The following PRDM16 variants were observed in gnomAD, a reference collection of about 807,000 sequenced individuals.
PRDM16 encodes the protein histone-lysine N-methyltransferase PRDM16.
Under a neutral mutation model 110.6 loss-of-function variants are expected in PRDM16, and 23 were observed. That is an observed-to-expected ratio of 0.21 (90% CI 0.15 to 0.29). The LOEUF (loss-of-function observed/expected upper bound fraction) is 0.29, where lower values mean the gene tolerates loss of function less well. PRDM16 is among the 10% of genes least tolerant of loss of function. The pLI, the probability that PRDM16 is intolerant of heterozygous loss-of-function variation, is 1.00. For missense variants in PRDM16, 1,615 were observed against 1,794.3 expected (o/e 0.90, Z 1.81); for synonymous variants, 799 against 781.8 (o/e 1.02, Z -0.37).
At chr1:3,118,449 CAAGGGGGCAGCTTTGGGAGCTAG>C (rs374809682) in intron 1 of PRDM16, among the ~76,000 whole-genome samples, 25 of 152,316 alleles carry the variant, frequency 1.6e-4, no homozygotes, top group African/African-American at 6.0e-4. Context: ...CCTAAGCTGG[CAAGGGGGCAGCTTTGGGAGCTAG>C]AAGTGGTTGG....
At chr1:3,362,926 G>A (rs1393997826) in intron 3 of PRDM16, among the ~76,000 whole-genome samples, 2 of 152,182 alleles carry the variant, frequency 1.3e-5, no homozygotes, top group Non-Finnish European at 2.9e-5. Context: ...ACAGGAACGA[G>A]CCCTCTTTCC....
chr1:3,093,147 C>T (rs949196664), intron 1 of PRDM16, among the ~76,000 whole-genome samples: 2 of 152,170 alleles, frequency 1.3e-5, no homozygotes, highest in Admixed American at 6.5e-5. Context: ...ATTCTCACCC[C>T]TTCATACTGT....
intron 1 of PRDM16, among the ~76,000 whole-genome samples, chr1:3,114,028 G>C (rs1642856436): frequency 6.6e-6 from 1 of 152,230 alleles, no homozygotes; most frequent in South Asian, 2.1e-4. Context: ...TACTAGTCAT[G>C]TGCGGAGGAG....
At position 3,069,272 on chromosome 1, in the gene PRDM16, G is replaced by A. The variant is rs1191048583; in HGVS notation, c.13G>A (p.Ala5Thr). Residue 5 changes from alanine to threonine, a missense_variant, in exon 1 of 17, where the codon GCG becomes ACG. Physicochemically the swap from Ala to Thr is moderately conservative, Grantham distance 58 (BLOSUM62 0). Around this residue, in one of 5 missense-constraint regions of PRDM16, gnomAD observed 416 missense variants for 467.1 expected, o/e 0.89. Transcript: ENST00000270722. This position sits in a 1 kb window ranked among gnomAD's most constrained non-coding sequence, Gnocchi z 6.1. ...GCGAGCCGACACCATGCGATCCAAG[G>A]CGAGGGCGAGGAAGCTAGCCAAAAG... MRSKARARKLAKSDG... is the reference protein window; with the variant it reads MRSKTRARKLAKSDG... 1.3e-6 allele frequency: 2 copies of A among 1,565,274 alleles called. No homozygotes were observed. Among genetic ancestry groups the A allele is most frequent in the Non-Finnish European group, 1.7e-6 (2 of 1,156,838 alleles).
intron 2 of PRDM16, among the ~76,000 whole-genome samples, chr1:3,203,907 T>C (rs1326408574): frequency 6.6e-6 from 1 of 152,096 alleles, no homozygotes; most frequent in Non-Finnish European, 1.5e-5. Flanking sequence ...TTTCCAGGTA[T>C]AGCAGGTGAC....
chr1:3,185,212 C>T (rs138452307), intron 1 of PRDM16, among the ~76,000 whole-genome samples: 2,857 of 152,182 alleles, frequency 0.019, 59 homozygotes, highest in Non-Finnish European at 0.024. Flanking sequence ...GGTATAGTTT[C>T]GGCTGCACAC....
At chr1:3,117,743 C>T (rs542896994) in intron 1 of PRDM16, among the ~76,000 whole-genome samples, 16 of 152,210 alleles carry the variant, frequency 1.1e-4, no homozygotes, top group Non-Finnish European at 1.5e-4. Context: ...GCCACAGGCC[C>T]GGGCCCGCCT....
intron 1 of PRDM16, among the ~76,000 whole-genome samples, chr1:3,123,599 G>T (rs1344252237): frequency 6.6e-6 from 1 of 152,246 alleles, no homozygotes; most frequent in Non-Finnish European, 1.5e-5. Context: ...TGCAGCAGGT[G>T]CTGCTGGAAC....
rs1477999779 is a variant in PRDM16 at position 3,395,605 on chromosome 1, G to A, written c.574-886G>A. ...AACACACCTGCCGCCAGACACTCCC[G>A]GACCGAAGACACAGGGTTCCTTGTG... On this transcript the variant is annotated intron_variant, in intron 4 of 16. Coordinates refer to ENST00000270722, the MANE Select transcript of PRDM16 (RefSeq NM_022114.4). Among the ~76,000 whole-genome samples, 5 of 152,182 alleles carry A rather than the reference G, an allele frequency of 3.3e-5. No homozygotes were observed. The South Asian group carries it at 6.2e-4, about 19-fold the overall frequency.
At chr1:3,379,188 A>G (rs1226580205) in intron 3 of PRDM16, among the ~76,000 whole-genome samples, 6 of 69,248 alleles carry the variant, frequency 8.7e-5, no homozygotes, top group African/African-American at 1.2e-4. Flanking sequence ...ACCCCTCCCA[A>G]CACACCCCTC....
intron 4 of PRDM16, among the ~76,000 whole-genome samples, chr1:3,393,971 A>G (rs1182948134): frequency 1.3e-5 from 2 of 151,708 alleles, no homozygotes; most frequent in African/African-American, 2.4e-5. Context: ...AGGGAGGGGG[A>G]GCCCGCGGCC....
chr1:3,162,526 G>A (rs1475775359), intron 1 of PRDM16, among the ~76,000 whole-genome samples: 2 of 152,186 alleles, frequency 1.3e-5, no homozygotes, highest in Non-Finnish European at 2.9e-5. Flanking sequence ...GCAGGCCCAC[G>A]AAGGTCGTCA....
rs533613448 is a variant in PRDM16 at position 3,100,692 on chromosome 1, A to G, written c.37+31396A>G. Among the ~76,000 whole-genome samples, 3 of 152,084 alleles carry G rather than the reference A, an allele frequency of 2.0e-5. No individual in the cohort carries two copies. The East Asian group carries it at 5.8e-4, about 30-fold the overall frequency. On this transcript the variant is annotated intron_variant, in intron 1 of 16. Coordinates refer to ENST00000270722, the MANE Select transcript of PRDM16 (RefSeq NM_022114.4). ...CCCAGGGAGGAGCTTTCCCCGAGTG[A>G]GGTTCCCGTGAGGAAGATAGATACA...
At chr1:3,294,507 C>T (rs1353655066) in intron 3 of PRDM16, among the ~76,000 whole-genome samples, 7 of 152,120 alleles carry the variant, frequency 4.6e-5, no homozygotes, top group Admixed American at 3.3e-4. Context: ...GGGTCAGTGT[C>T]CAGCCCCTCT....
intron 1 of PRDM16, among the ~76,000 whole-genome samples, chr1:3,131,853 C>T (rs1449795312): frequency 2.6e-5 from 4 of 152,214 alleles, no homozygotes; most frequent in Non-Finnish European, 5.9e-5. Context: ...CCGCCTGCTT[C>T]CCCTCCACTG....
rs1569914398 is a variant in PRDM16 at position 3,244,685 on chromosome 1, T to G, written c.438+548T>G. On this transcript the variant is annotated intron_variant, in intron 3 of 16. Coordinates refer to ENST00000270722, the MANE Select transcript of PRDM16 (RefSeq NM_022114.4). This position sits in a 1 kb window ranked among gnomAD's most constrained non-coding sequence, Gnocchi z 4.1. ...TAACGGCTGGTGGACAAACATTAGG[T>G]CTAACAGATCCAGAGGGAGAACCAT... Among the ~76,000 whole-genome samples the G allele has an allele frequency of 6.6e-6, 1 of 151,758 alleles. No individual in the cohort carries two copies. The highest frequency in any genetic ancestry group is 2.1e-4 in the South Asian group (1 of 4,806).
intron 1 of PRDM16, among the ~76,000 whole-genome samples, chr1:3,182,546 T>G (rs1415265552): frequency 6.6e-6 from 1 of 152,094 alleles, no homozygotes; most frequent in Non-Finnish European, 1.5e-5. Context: ...TCCTATAGCC[T>G]GGGTGAGGGG....
intron 2 of PRDM16, among the ~76,000 whole-genome samples, chr1:3,199,868 C>A (rs1557523787): frequency 6.6e-6 from 1 of 152,236 alleles, no homozygotes; most frequent in African/African-American, 2.4e-5. Context: ...AGTCTGAGCT[C>A]TCAGAGGTGA....
chr1:3,259,301 G>A (rs1284007837), intron 3 of PRDM16, among the ~76,000 whole-genome samples: 1 of 152,202 alleles, frequency 6.6e-6, no homozygotes, highest in African/African-American at 2.4e-5. Context: ...TGGGGCTGGG[G>A]AGACATCGCC....
Sources: allele counts gnomAD v4.1 joint callset (sites outside exome capture counted in the v4.1 genomes callset), GRCh38; gene constraint gnomAD v4.1.1; regional missense constraint gnomAD v4.1.1; non-coding constraint Gnocchi (gnomAD v3.1); transcripts MANE v1.5; gene names NCBI Gene and HGNC (gene_info 2026-07-23, HGNC 2026-07-21).